The following DGKK variants were observed in gnomAD, a reference collection of about 807,000 sequenced individuals.
The protein encoded by DGKK is diacylglycerol kinase kappa.
In DGKK, 35 loss-of-function variants were observed where a neutral mutation model predicts 92.2. That is an observed-to-expected ratio of 0.38 (90% CI 0.29 to 0.50). The LOEUF (loss-of-function observed/expected upper bound fraction) is 0.50, where lower values mean the gene tolerates loss of function less well. Among genes scored for constraint, DGKK ranks in the 20% least tolerant of loss-of-function variants. The pLI is 0.92. For synonymous variants in DGKK, 368 were observed against 360.6 expected (o/e 1.02, Z -0.23); for missense variants, 910 against 992.2 (o/e 0.92, Z 1.11).
intron 1 of DGKK, among the ~76,000 whole-genome samples, chrX:50,451,953 G>A (rs1230818653): frequency 8.9e-6 from 1 of 112,138 alleles, no homozygotes; most frequent in African/African-American, 3.2e-5. Context: ...CAGAGGTCAT[G>A]AGCAAGTATA....
chrX:50,414,986 A>G (rs11091748), intron 4 of DGKK, among the ~76,000 whole-genome samples: 42,263 of 111,035 alleles, frequency 0.38, 6,179 homozygotes, highest in African/African-American at 0.5. Flanking sequence ...AGATCAATAG[A>G]GCTGCCATCC....
At chrX:50,469,148 A>G (rs1438872662) in intron 1 of DGKK, among the ~76,000 whole-genome samples, 1 of 111,027 alleles carries the variant, frequency 9.0e-6, no homozygotes, top group Non-Finnish European at 1.9e-5. Flanking sequence ...GGCTAAGTGT[A>G]ACGATTTAGA....
At chrX:50,379,155 T>C (rs1259590316) in intron 20 of DGKK, among the ~76,000 whole-genome samples, 4 of 110,724 alleles carry the variant, frequency 3.6e-5, no homozygotes, top group Non-Finnish European at 1.9e-5. Context: ...ACCCTGTCTC[T>C]ACTAAAAATA....
rs782592163 is a variant in DGKK at position 50,374,961 on chromosome X, C to A, written c.3501+10G>T. 2 of 1,200,957 alleles carry A rather than the reference C, an allele frequency of 1.7e-6. No individual in the cohort carries two copies. Among genetic ancestry groups the A allele is most frequent in the South Asian group, 3.5e-5 (2 of 56,340 alleles). ...CTTTGCCCTCCCAGACTCCAACCCCCTGCACTCACCAGCTTTTCATCCAGG... is the reference window on the plus strand; with the variant it reads ...CTTTGCCCTCCCAGACTCCAACCCCATGCACTCACCAGCTTTTCATCCAGG... On this transcript the variant is annotated intron_variant, in intron 25 of 27. Coordinates refer to ENST00000611977, the MANE Select transcript of DGKK (RefSeq NM_001013742.4).
chrX:50,445,010 G>T lies in DGKK; in HGVS notation c.646-20652C>A, dbSNP rs782427566. 2.7e-5 allele frequency among the ~76,000 whole-genome samples: 3 copies of T among 110,177 alleles called. No homozygotes were observed. The South Asian group carries it at 1.1e-3, about 42-fold the overall frequency. On this transcript the variant is annotated intron_variant, in intron 1 of 27. Transcript: ENST00000611977. Reference sequence around the variant, plus strand: ...GACTGATGTGAGATGGTATCTCGTTGTGGTTTTGATTTGCATTTCTCCAAT... The same window carrying T: ...GACTGATGTGAGATGGTATCTCGTTTTGGTTTTGATTTGCATTTCTCCAAT...
intron 25 of DGKK, 80 bp downstream of exon 25, chrX:50,374,891 G>T: frequency 1.1e-6 from 1 of 901,603 alleles, no homozygotes; most frequent in Non-Finnish European, 1.6e-6. Flanking sequence ...GGTCTCCAGT[G>T]CCCTTGGACC....
At chrX:50,405,527 G>GGAGA (rs781903574) in intron 4 of DGKK, among the ~76,000 whole-genome samples, 1,173 of 100,952 alleles carry the variant, frequency 0.012, 18 homozygotes, top group Admixed American at 0.046. Flanking sequence ...GACAGTGGGG[G>GGAGA]GAGAGAGAGA....
At chrX:50,396,179 A>G (rs1234406441) in intron 8 of DGKK, among the ~76,000 whole-genome samples, 1 of 112,154 alleles carries the variant, frequency 8.9e-6, no homozygotes, top group Admixed American at 9.5e-5. Context: ...AGTCTCCAAA[A>G]TATACTGTGA....
intron 21 of DGKK, 86 bp downstream of exon 21, chrX:50,378,492 C>A (rs782287589): frequency 1.1e-6 from 1 of 887,016 alleles, no homozygotes; most frequent in Non-Finnish European, 1.6e-6. Context: ...ATTCTTCTAC[C>A]CAGTTAATTC....
chrX:50,419,393 T>G (rs1218546642), intron 4 of DGKK, among the ~76,000 whole-genome samples: 2 of 111,810 alleles, frequency 1.8e-5, no homozygotes, highest in African/African-American at 6.5e-5. Flanking sequence ...GCATTAGTTT[T>G]ATTTCTAAAC....
At chrX:50,462,838 A>G (rs2147153164) in intron 1 of DGKK, among the ~76,000 whole-genome samples, 1 of 98,495 alleles carries the variant, frequency 1.0e-5, no homozygotes, top group South Asian at 5.6e-4. Context: ...AAAAATTAGA[A>G]TGGGAGACAT....
intron 8 of DGKK, among the ~76,000 whole-genome samples, chrX:50,397,223 G>A (rs991176832): frequency 8.9e-6 from 1 of 111,875 alleles, no homozygotes; most frequent in South Asian, 3.8e-4. Context: ...ATGTTTCTTT[G>A]AGCTGCATTA....
intron 11 of DGKK, 107 bp from the exon 12 acceptor site, chrX:50,390,516 A>T: frequency 6.3e-6 from 4 of 638,251 alleles, no homozygotes; most frequent in Non-Finnish European, 7.4e-6. Flanking sequence ...TGGTGGGGGG[A>T]GGTGGGTTGT....
intron 4 of DGKK, among the ~76,000 whole-genome samples, chrX:50,408,079 A>G (rs1341377975): frequency 8.9e-6 from 1 of 112,799 alleles, no homozygotes; most frequent in Non-Finnish European, 1.9e-5. Context: ...CTCAGAGGCC[A>G]GAGATGCTGC....
intron 9 of DGKK, among the ~76,000 whole-genome samples, chrX:50,392,767 G>T (rs782813374): frequency 8.9e-6 from 1 of 112,682 alleles, no homozygotes; most frequent in South Asian, 3.7e-4. Context: ...GCAGCCAGAT[G>T]GTCCCAAAAT....
At chrX:50,462,768 A>G (rs1233410171) in intron 1 of DGKK, among the ~76,000 whole-genome samples, 3 of 107,086 alleles carry the variant, frequency 2.8e-5, no homozygotes, top group African/African-American at 1.0e-4. Context: ...GAAGCTGGGG[A>G]GCCCTCCCTA....
chrX:50,435,660 T>C (rs782152403), intron 1 of DGKK, among the ~76,000 whole-genome samples: 5 of 110,985 alleles, frequency 4.5e-5, no homozygotes, highest in African/African-American at 9.8e-5. Flanking sequence ...CTAGGGAAGA[T>C]GAAATTCACT....
At chrX:50,371,865 C>A in intron 25 of DGKK, 31 bp from the exon 26 acceptor site, 1 of 957,572 alleles carries the variant, frequency 1.0e-6, no homozygotes, top group Non-Finnish European at 1.5e-6. Context: ...AGTAAGTGTC[C>A]AATGCCTAGC....
intron 1 of DGKK, among the ~76,000 whole-genome samples, chrX:50,428,754 G>T (rs1925807848): frequency 9.0e-6 from 1 of 111,283 alleles, no homozygotes; most frequent in Non-Finnish European, 1.9e-5. Context: ...CTTGGAAAAG[G>T]TAAAGTACCT....
Sources: gnomAD v4.1 joint callset for allele counts (sites outside exome capture counted in the v4.1 genomes callset) on GRCh38, gnomAD v4.1.1 for gene constraint, MANE v1.5 for transcripts, NCBI Gene and HGNC (gene_info 2026-07-23, HGNC 2026-07-21) for gene names.